The following MADD variants were observed in gnomAD, a reference collection of about 807,000 sequenced individuals.
The protein encoded by MADD is MAP kinase activating death domain.
A neutral mutation model predicts 176.7 loss-of-function variants in MADD; 109 were observed. The observed-to-expected ratio is 0.62, with a 90% CI of 0.53 to 0.72. The LOEUF is 0.72. Ranked by LOEUF, MADD falls within the 30% of genes least tolerant of loss-of-function variation. The pLI is 0.00. For missense variants in MADD, 1,914 were observed against 2,045.5 expected, an observed-to-expected ratio of 0.94 and a Z score of 1.24; for synonymous variants, 771 against 771.3, an observed-to-expected ratio of 1.00 and a Z score of 0.01.
At chr11:47,313,481 GTTTTT>G (rs112445074) in intron 26 of MADD, among the ~76,000 whole-genome samples, 1 of 139,928 alleles carries the variant, frequency 7.1e-6, no homozygotes, top group Non-Finnish European at 1.6e-5. Flanking sequence ...CACCTGGCTA[GTTTTT>G]TTTTTTTTTT....
chr11:47,308,882 C>A, intron 23 of MADD, 98 bp from the exon 26 acceptor site: 1 of 1,241,166 alleles, frequency 8.1e-7, no homozygotes, highest in South Asian at 1.2e-5. Flanking sequence ...GAAAACTGGA[C>A]AAGATTGGGT....
At chr11:47,300,460 C>CT (rs35594904) in intron 22 of MADD, among the ~76,000 whole-genome samples, 7,313 of 149,398 alleles carry the variant, frequency 0.049, 226 homozygotes, top group South Asian at 0.079. Flanking sequence ...ACCCCCCGCC[C>CT]GCCCCAAAGT....
chr11:47,281,844 G>A, intron 8 of MADD, 91 bp downstream of exon 8: 1 of 337,738 alleles, frequency 3.0e-6, no homozygotes, highest in Non-Finnish European at 4.0e-6. Context: ...CTCTGAACCA[G>A]GGTTCCTTTT....
At chr11:47,306,543 C>T (rs1395886369) in intron 22 of MADD, among the ~76,000 whole-genome samples, 1 of 152,108 alleles carries the variant, frequency 6.6e-6, no homozygotes, top group African/African-American at 2.4e-5. Context: ...TGTAGGTGTC[C>T]AAGGTGCTGG....
chr11:47,290,091 G>T (rs2063894449), intron 17 of MADD, 38 bp downstream of exon 18: 1 of 1,612,508 alleles, frequency 6.2e-7, no homozygotes. Flanking sequence ...TAACTGGAGA[G>T]AGGGATGTGA....
chr11:47,275,976 A>G, exon 4 of MADD: 1 of 1,614,030 alleles, frequency 6.2e-7, no homozygotes, highest in Non-Finnish European at 8.5e-7. Flanking sequence ...GACCTTCGAG[A>G]GATTGAGGCC....
At chr11:47,317,214 A>T (rs187964096) in intron 27 of MADD, among the ~76,000 whole-genome samples, 11 of 152,122 alleles carry the variant, frequency 7.2e-5, no homozygotes, top group Non-Finnish European at 1.3e-4. Context: ...AATTTATTTA[A>T]CCAGTCAGTA....
At chr11:47,313,783 G>A (rs1459245151) in intron 26 of MADD, among the ~76,000 whole-genome samples, 12 of 151,746 alleles carry the variant, frequency 7.9e-5, no homozygotes, top group South Asian at 2.1e-4. Context: ...TTTTTGAGAC[G>A]GAGTCTCACT....
Position 47,326,538 on chromosome 11 carries a change from G to A in MADD, c.4543-200G>A. The A allele has an allele frequency of 2.2e-6, 3 of 1,370,724 alleles. No individual in the cohort carries two copies. The highest frequency in any genetic ancestry group is 2.8e-6 in the Non-Finnish European group (3 of 1,062,732). The allele number at this position is 1,370,724 out of a possible 1,614,324, so 84.9% of individuals were successfully genotyped here. A position where few individuals can be genotyped will look rare whatever the true frequency, so the allele number is the denominator to read the frequency against. Reference sequence around the variant, plus strand: ...ATTTCTCTCCCATGCTTTCTCCTCCGGCCAGGAGCGGAAGGTACATGCCCT... The same window carrying A: ...ATTTCTCTCCCATGCTTTCTCCTCCAGCCAGGAGCGGAAGGTACATGCCCT... On this transcript the variant is annotated intron_variant, in intron 30 of 32. Coordinates refer to ENST00000402192, the Ensembl canonical transcript of MADD.
intron 15 of MADD, among the ~76,000 whole-genome samples, chr11:47,288,024 T>C (rs916351218): frequency 6.6e-6 from 1 of 152,022 alleles, no homozygotes; most frequent in African/African-American, 2.4e-5. Flanking sequence ...CCTGACCTTG[T>C]GATCTACCCG....
chr11:47,279,015 A>T, exon 7 of MADD: 1 of 1,614,106 alleles, frequency 6.2e-7, no homozygotes, highest in East Asian at 2.2e-5. Context: ...GCCCCCACCA[A>T]TGCAGAAGTG....
At chr11:47,307,458 A>G (rs2083777146) in intron 22 of MADD, among the ~76,000 whole-genome samples, 4 of 152,172 alleles carry the variant, frequency 2.6e-5, no homozygotes, top group Non-Finnish European at 4.4e-5. Context: ...CTGTTTTAAT[A>G]AGAAATAAAT....
At chr11:47,302,224 G>T (rs190100059) in intron 22 of MADD, among the ~76,000 whole-genome samples, 172 of 150,924 alleles carry the variant, frequency 1.1e-3, no homozygotes, top group Non-Finnish European at 2.5e-4. Flanking sequence ...GGTTTTTTTT[G>T]TGTGTGTGAG....
chr11:47,286,323 A>T (rs1213601154), intron 14 of MADD, 110 bp from the exon 15 acceptor site: 4 of 753,964 alleles, frequency 5.3e-6, no homozygotes, highest in African/African-American at 5.1e-5. Context: ...GATCCACCAA[A>T]CTGGGATTGT....
intron 9 of MADD, 77 bp downstream of exon 9, chr11:47,282,693 A>T (rs1381977592): frequency 1.7e-5 from 27 of 1,588,722 alleles, no homozygotes; most frequent in African/African-American, 2.7e-5. Flanking sequence ...TCCTTTGCTA[A>T]TGTTTGACCT....
At chr11:47,285,020 T>C in exon 13 of MADD, 5 of 1,614,090 alleles carry the variant, frequency 3.1e-6, no homozygotes, top group Non-Finnish European at 3.4e-6. Context: ...CCTCCCAGCA[T>C]TGGCAAATCG....
At chr11:47,282,659 G>C in intron 9 of MADD, 43 bp downstream of exon 9, 1 of 1,603,286 alleles carries the variant, frequency 6.2e-7, no homozygotes. Context: ...TTGTGCCTCT[G>C]TCCTCCTGAT....
chr11:47,322,671 A>T (rs368346256), intron 27 of MADD, among the ~76,000 whole-genome samples: 18 of 152,276 alleles, frequency 1.2e-4, no homozygotes, highest in East Asian at 9.6e-4. Context: ...TGTCAAAGAT[A>T]TTTGCTTTTT....
rs1047982192 is a variant in MADD at position 47,283,184 on chromosome 11, C to G, written c.1862+215C>G. On this transcript the variant is annotated intron_variant, in intron 10 of 32. Coordinates refer to ENST00000402192, the Ensembl canonical transcript of MADD. ...TCTCGGCTCACTGCCAGCTCCGCCT[C>G]CCGGCTTCATGCCATTCTCCTGCCT... Among the ~76,000 whole-genome samples the G allele has an allele frequency of 5.3e-5, 8 of 152,338 alleles. No homozygotes were observed. The South Asian group carries it at 6.2e-4, about 12-fold the overall frequency.
Sources: allele counts gnomAD v4.1 joint callset (sites outside exome capture counted in the v4.1 genomes callset), GRCh38; gene constraint gnomAD v4.1.1; transcripts MANE v1.5; gene names NCBI Gene and HGNC (gene_info 2026-07-23, HGNC 2026-07-21).